The following CYP4A22 variants were observed in gnomAD, a reference collection of about 807,000 sequenced individuals.
CYP4A22 encodes cytochrome P450 4A22.
Under a neutral mutation model 56.2 loss-of-function variants are expected in CYP4A22, and 46 were observed. That is an observed-to-expected ratio of 0.82 (90% CI 0.65 to 1.05). The LOEUF (loss-of-function observed/expected upper bound fraction) is 1.05, where lower values mean the gene tolerates loss of function less well. CYP4A22 is among the 50% of genes least tolerant of loss of function. The probability of loss-of-function intolerance (pLI) is 0.00; values close to 1 mark genes in which losing one functional copy is unlikely to be tolerated. For missense variants in CYP4A22, 541 were observed against 645.9 expected, an observed-to-expected ratio of 0.84 and a Z score of 1.76; for synonymous variants, 193 against 251.1, an observed-to-expected ratio of 0.77 and a Z score of 2.19.
At chr1:47,141,718 T>C in intron 3 of CYP4A22, 103 bp downstream of exon 3, 1 of 1,431,142 alleles carries the variant, frequency 7.0e-7, no homozygotes, top group Non-Finnish European at 9.5e-7. Flanking sequence ...TATCATGACC[T>C]CATCCCCAAA....
Position 47,144,750 on chromosome 1 carries a change from G to A in CYP4A22, c.1088+10G>A. 1 of 1,613,478 alleles carries A rather than the reference G, an allele frequency of 6.2e-7. No individual in the cohort carries two copies. The highest frequency in any genetic ancestry group is 1.1e-5 in the South Asian group (1 of 91,048). On this transcript the variant is annotated intron_variant, in intron 8 of 11. Transcript: ENST00000371891. The stretch of plus-strand genomic sequence containing the variant: ...GAGCCTCCATCACCTGGTGAGTGAG[G>A]GCTCAAAAGATGGGGTTCCCTGCCT...
In CYP4A22 at chr1:47,148,830, C is replaced by G. The variant is rs1386458638; in HGVS notation, c.*33C>G. The G allele has an allele frequency of 6.4e-6, 10 of 1,569,130 alleles. No homozygotes were observed. The highest frequency in any genetic ancestry group is 3.4e-4 in the Middle Eastern group (2 of 5,842). On this transcript the variant is annotated 3_prime_UTR_variant, in exon 12 of 12. Transcript: ENST00000371891. ...CACCTGCCATCCTGTCTTCCTGACC[C>G]CCACTCCTATCTCCTGCCTGTCTGC...
rs150918552 is a variant in CYP4A22 at position 47,137,696 on chromosome 1, G to A, written c.195+16G>A. 1.9e-3 allele frequency: 2,990 copies of A among 1,596,754 alleles called. 64 individuals carry two copies. In the East Asian group the frequency reaches 0.047, roughly 25 times the overall value. On this transcript the variant is annotated intron_variant, in intron 1 of 11. Transcript: ENST00000371891. ...CATCCAGGAGGTAGGGAGGAACTCA[G>A]TGGGGGAGTGGGAGGGCAAGGAGGG...
In CYP4A22 at chr1:47,137,605, T is replaced by C. The variant is rs140286985; in HGVS notation, c.120T>C (p.His40=). The part of the protein sequence containing the change: ...LLIKAAQLYL[H]RQWLLKALQQ... ...TCAAGGCAGCTCAGCTCTACCTGCA[T>C]AGGCAGTGGCTGCTCAAAGCCCTCC... The change falls in exon 1 of 12, where the codon CAT becomes CAC. Residue 40 remains histidine (H), a synonymous_variant. Transcript: ENST00000371891. The C allele has an allele frequency of 2.7e-5, 44 of 1,614,168 alleles. No homozygotes were observed. The highest frequency in any genetic ancestry group is 1.6e-4 in the Middle Eastern group (1 of 6,062).
At chr1:47,138,436 G>C (rs924744767) in intron 1 of CYP4A22, among the ~76,000 whole-genome samples, 6 of 152,128 alleles carry the variant, frequency 3.9e-5, no homozygotes, top group Non-Finnish European at 8.8e-5. Context: ...GAGCTCCCTG[G>C]AGGTGAGCAT....
chr1:47,144,161 C>T (rs1364197972), intron 6 of CYP4A22, among the ~76,000 whole-genome samples, 196 bp from the exon 7 acceptor site: 1 of 152,190 alleles, frequency 6.6e-6, no homozygotes, highest in Non-Finnish European at 1.5e-5. Flanking sequence ...TCAAGAGGAG[C>T]CTCCATGAAC....
intron 2 of CYP4A22, among the ~76,000 whole-genome samples, chr1:47,141,142 T>C (rs1274423525): frequency 6.6e-6 from 1 of 152,250 alleles, no homozygotes; most frequent in Non-Finnish European, 1.5e-5. Flanking sequence ...TTCTTTTTTC[T>C]ATTTCTCTAT....
chr1:47,141,987 C>T lies in CYP4A22; in HGVS notation c.383-121C>T, dbSNP rs770851156. 42 of 1,421,882 alleles carry T rather than the reference C, an allele frequency of 3.0e-5. No homozygotes were observed. In the South Asian group the frequency reaches 5.3e-4, roughly 18 times the overall value. The allele number at this position is 1,421,882 out of a possible 1,614,324, so 88.1% of individuals were successfully genotyped here. On this transcript the variant is annotated intron_variant, in intron 3 of 11. Coordinates refer to ENST00000371891, the MANE Select transcript of CYP4A22 (RefSeq NM_001010969.4). ...TTTCCTGCATTTGCCCATGATGTGG[C>T]TTCTTCTGGATAGTTCTTCCCCCAG...
intron 2 of CYP4A22, 93 bp from the exon 3 acceptor site, chr1:47,141,478 T>A: frequency 7.6e-6 from 11 of 1,444,220 alleles, no homozygotes; most frequent in Non-Finnish European, 1.0e-5. Flanking sequence ...TGGGTCAAAC[T>A]GCCAACTGAC....
rs779646186 is a variant in CYP4A22 at position 47,143,400 on chromosome 1, G to A, written c.635+7G>A. On this transcript the variant is annotated splice_region_variant and intron_variant, in intron 5 of 11. Transcript: ENST00000371891. Reference sequence around the variant, plus strand: ...GCAGCATCCAGGTGGACAGGTCAGTGACAACCCTCCAGCTGCAGGGCCCTT... The same window carrying A: ...GCAGCATCCAGGTGGACAGGTCAGTAACAACCCTCCAGCTGCAGGGCCCTT... 21 of 1,602,912 alleles carry A rather than the reference G, an allele frequency of 1.3e-5. No individual in the cohort carries two copies. In the Admixed American group the frequency reaches 1.7e-4, roughly 13 times the overall value.
chr1:47,143,870 T>C lies in CYP4A22; in HGVS notation c.744T>C (p.Ala248=), dbSNP rs147982626. The part of the protein sequence containing the change: ...ENDTIYSLTS[A]GRWTHRACQL... ...ACACCATCTACAGCCTGACCTCTGC[T>C]GGCCGCTGGACACACCGCGCCTGCC... The change falls in exon 6 of 12, where the codon GCT becomes GCC. Residue 248 remains alanine (A), a synonymous_variant. Transcript: ENST00000371891. 19 of 1,614,032 alleles carry C rather than the reference T, an allele frequency of 1.2e-5. 1 individual carries two copies. The African/African-American group carries it at 2.1e-4, about 18-fold the overall frequency.
intron 10 of CYP4A22, 39 bp from the exon 11 acceptor site, chr1:47,146,038 G>C: frequency 6.2e-7 from 1 of 1,614,194 alleles, no homozygotes; most frequent in Non-Finnish European, 8.5e-7. Flanking sequence ...AGTAGGTGCT[G>C]GATCCTTAAC....
Position 47,148,772 on chromosome 1 carries a change from C to T in CYP4A22, c.1535C>T (p.Pro512Leu). 1.1e-5 allele frequency: 17 copies of T among 1,611,378 alleles called. No homozygotes were observed. Among genetic ancestry groups the T allele is most frequent in the Non-Finnish European group, 1.4e-5 (17 of 1,178,548 alleles). Residue 512 changes from proline (P) to leucine (L), a missense_variant, in exon 12 of 12, where the codon CCT becomes CTT. By Grantham distance (98) the Pro-to-Leu change is moderately conservative (BLOSUM62 -3). Coordinates refer to ENST00000371891, the MANE Select transcript of CYP4A22 (RefSeq NM_001010969.4). Reference sequence around the variant, plus strand: ...CTGCGTCTCAGGAGGCTCCCTAACCCTTGTGAAGACAAGGACCAGCTTTGA... The same window carrying T: ...CTGCGTCTCAGGAGGCTCCCTAACCTTTGTGAAGACAAGGACCAGCTTTGA... Reference protein sequence around the residue: ...IHLRLRRLPNPCEDKDQL With the variant: ...IHLRLRRLPNLCEDKDQL
At chr1:47,141,223 C>A (rs1041478842) in intron 2 of CYP4A22, among the ~76,000 whole-genome samples, 3 of 152,202 alleles carry the variant, frequency 2.0e-5, no homozygotes, top group African/African-American at 7.2e-5. Flanking sequence ...CCCACATTGA[C>A]TTGGGTTTCG....
chr1:47,146,000 T>TG (rs1645071810), intron 10 of CYP4A22, 70 bp downstream of exon 10: 3 of 1,614,064 alleles, frequency 1.9e-6, no homozygotes, highest in Admixed American at 1.7e-5. Flanking sequence ...CTTCCACCTC[T>TG]GGGAGTACTG....
At chr1:47,147,115 G>A (rs1645084595) in intron 11 of CYP4A22, 1 of 985,282 alleles carries the variant, frequency 1.0e-6, no homozygotes, top group Non-Finnish European at 1.2e-6. Context: ...TAGAAACAAA[G>A]TTTGTTCAAA....
In CYP4A22 at chr1:47,148,582, A is replaced by C; in HGVS notation, c.1365-20A>C. ...GGGGCCTGAGGACACGTCTCAATTC[A>C]TTGTCTCCGCCTGGCCCAGGAACTG... is the stretch of plus-strand genomic sequence containing the variant. On this transcript the variant is annotated intron_variant, in intron 11 of 11. Transcript: ENST00000371891. 1 of 1,592,392 alleles carries C rather than the reference A, an allele frequency of 6.3e-7. No individual in the cohort carries two copies. Among genetic ancestry groups the C allele is most frequent in the East Asian group, 2.2e-5 (1 of 44,688 alleles).
rs777274039 is a variant in CYP4A22 at position 47,137,530 on chromosome 1, C to G, written c.45C>G (p.Val15=). ...GCCCCAGCAGACGCCTGGGTGGTGT[C>G]TCCGGGATCCTCCAAGTGACCTCCC... ...VLSPSRRLGG[V]SGILQVTSLL... Residue 15 remains valine (V), a synonymous_variant, in exon 1 of 12, where the codon GTC becomes GTG. Coordinates refer to ENST00000371891, the MANE Select transcript of CYP4A22 (RefSeq NM_001010969.4). 5.5e-5 allele frequency: 89 copies of G among 1,614,042 alleles called. No individual in the cohort carries two copies. The highest frequency in any genetic ancestry group is 3.4e-6 in the Non-Finnish European group (4 of 1,179,996).
At chr1:47,144,010 G>A in intron 6 of CYP4A22, 94 bp downstream of exon 6, 1 of 1,516,314 alleles carries the variant, frequency 6.6e-7, no homozygotes. Flanking sequence ...TAGTAATCCT[G>A]CAGAAGCCAG....
Sources: allele counts gnomAD v4.1 joint callset (sites outside exome capture counted in the v4.1 genomes callset), GRCh38; gene constraint gnomAD v4.1.1; transcripts MANE v1.5; gene names NCBI Gene and HGNC (gene_info 2026-07-23, HGNC 2026-07-21).